MEGF10: variants seen among roughly 807,000 people sequenced by gnomAD.
The protein encoded by MEGF10 is multiple epidermal growth factor-like domains protein 10.
A neutral mutation model predicts 147.5 loss-of-function variants in MEGF10; 86 were observed. The ratio of observed to expected loss-of-function variants is 0.58; its 90% CI spans 0.49 to 0.70. The LOEUF is 0.70. Ranked by LOEUF, MEGF10 falls within the 30% of genes least tolerant of loss-of-function variation. MEGF10 has a pLI of 0.00. For missense variants in MEGF10, 1,329 were observed against 1,487.3 expected (o/e 0.89, Z 1.75); for synonymous variants, 478 against 525.5 (o/e 0.91, Z 1.24).
chr5:127,239,950 C>T, the MEGF10 span, among the ~76,000 whole-genome samples: 1 of 152,248 alleles, frequency 6.6e-6, no homozygotes, highest in Non-Finnish European at 1.5e-5. Context: ...GGACCCTGAC[C>T]CCATCCCCCA....
At chr5:127,241,852 C>T in the MEGF10 span, among the ~76,000 whole-genome samples, 6,509 of 152,110 alleles carry the variant, frequency 0.043, 229 homozygotes, top group Middle Eastern at 0.092. Flanking sequence ...CAGCATCTCA[C>T]AGGGAGGCAC....
At chr5:127,233,436 A>G in the MEGF10 span, among the ~76,000 whole-genome samples, 1 of 152,222 alleles carries the variant, frequency 6.6e-6, no homozygotes, top group South Asian at 2.1e-4. Flanking sequence ...AAGCAGGTGT[A>G]GTAGGTCATT....
In MEGF10 at chr5:127,445,468, A is replaced by G. The variant is rs1272900866; in HGVS notation, c.2503A>G (p.Ile835Val). The G allele has an allele frequency of 1.2e-6, 2 of 1,613,392 alleles. No homozygotes were observed. Among genetic ancestry groups the G allele is most frequent in the East Asian group, 2.2e-5 (1 of 44,894 alleles). ...TCTTCTTTTTCTAGCTGGTGTTATC[A>G]TAGTTGGAAATCTGAACAGCTTAAG... Reference protein sequence around the residue: ...GARCDQAGVIIVGNLNSLSRT... With the variant: ...GARCDQAGVIVVGNLNSLSRT... Residue 835 changes from isoleucine (I) to valine (V), a missense_variant, in exon 20 of 25, where the codon ATA becomes GTA. Coordinates refer to ENST00000503335, the MANE Select transcript of MEGF10 (RefSeq NM_001256545.2).
At chr5:127,438,831 C>T (rs948795190) in intron 17 of MEGF10, among the ~76,000 whole-genome samples, 1 of 152,166 alleles carries the variant, frequency 6.6e-6, no homozygotes, top group Non-Finnish European at 1.5e-5. Flanking sequence ...TCTCCTTTAA[C>T]CAAATCATAT....
At chr5:127,240,885 A>T in the MEGF10 span, among the ~76,000 whole-genome samples, 1 of 152,244 alleles carries the variant, frequency 6.6e-6, no homozygotes, top group Non-Finnish European at 1.5e-5. Flanking sequence ...ATACAATTTA[A>T]TAACAACATA....
At position 127,406,525 on chromosome 5, in the gene MEGF10, TG is replaced by T. The variant is rs1764331598; in HGVS notation, c.917+3847del. Among the ~76,000 whole-genome samples, 4 of 152,190 alleles carry T rather than the reference TG, an allele frequency of 2.6e-5. No homozygotes were observed. The South Asian group carries it at 8.3e-4, about 31-fold the overall frequency. ...TGTGGGGAGAAAGGCCTTGATAGGCTGGGGTCTTAATTTGCCATTTCCCTTG... is the reference window on the plus strand; with the variant it reads ...TGTGGGGAGAAAGGCCTTGATAGGCTGGGTCTTAATTTGCCATTTCCCTTG... On this transcript the variant is annotated intron_variant, in intron 8 of 24. Coordinates refer to ENST00000503335, the MANE Select transcript of MEGF10 (RefSeq NM_001256545.2).
rs371199317 is a variant in MEGF10 at position 127,403,458 on chromosome 5, C to A, written c.917+776C>A. On this transcript the variant is annotated intron_variant, in intron 8 of 24. Transcript: ENST00000503335. ...TTACAAGCAATTCAATTACACTCTTCAAATTATTTCAGAAAGTACAATGAA... is the reference window on the plus strand; with the variant it reads ...TTACAAGCAATTCAATTACACTCTTAAAATTATTTCAGAAAGTACAATGAA... 4.1e-4 allele frequency among the ~76,000 whole-genome samples: 63 copies of A among 152,256 alleles called. 1 individual carries two copies. In the East Asian group the frequency reaches 7.7e-3, roughly 19 times the overall value.
At chr5:127,314,028 G>A (rs1418727888) in intron 1 of MEGF10, among the ~76,000 whole-genome samples, 1 of 152,110 alleles carries the variant, frequency 6.6e-6, no homozygotes, top group Non-Finnish European at 1.5e-5. Flanking sequence ...CCAACCAAGG[G>A]CGGCCCTGAG....
the MEGF10 span, among the ~76,000 whole-genome samples, chr5:127,242,836 C>A: frequency 6.6e-6 from 1 of 151,932 alleles, no homozygotes; most frequent in African/African-American, 2.4e-5. Flanking sequence ...CTGGACCTCA[C>A]AAAAAATATA....
At chr5:127,437,466 A>G (rs1157585534) in intron 16 of MEGF10, among the ~76,000 whole-genome samples, 1 of 152,214 alleles carries the variant, frequency 6.6e-6, no homozygotes, top group Non-Finnish European at 1.5e-5. Context: ...GTTACTTCAT[A>G]TGTATTATTG....
At chr5:127,279,581 G>A in the MEGF10 span, among the ~76,000 whole-genome samples, 1 of 152,024 alleles carries the variant, frequency 6.6e-6, no homozygotes, top group African/African-American at 2.4e-5. Flanking sequence ...GAAAACAGCA[G>A]TTCCTCCCAC....
chr5:127,309,260 T>C (rs1216026279), intron 1 of MEGF10, among the ~76,000 whole-genome samples: 2 of 152,256 alleles, frequency 1.3e-5, no homozygotes, highest in Non-Finnish European at 2.9e-5. Context: ...AGCTTGCTTT[T>C]AGACTTTGTA....
chr5:127,393,278 A>G (rs1372219429), intron 5 of MEGF10, among the ~76,000 whole-genome samples: 1 of 152,190 alleles, frequency 6.6e-6, no homozygotes, highest in Non-Finnish European at 1.5e-5. Context: ...TGGTACTTGA[A>G]TTCAGGATAA....
chr5:127,288,558 T>A (rs1447554962), upstream of MEGF10, among the ~76,000 whole-genome samples: 1 of 152,138 alleles, frequency 6.6e-6, no homozygotes, highest in East Asian at 1.9e-4. Context: ...ACTATATACT[T>A]ACTAGAATGG....
chr5:127,293,616 C>A (rs1324711560), intron 1 of MEGF10, among the ~76,000 whole-genome samples: 2 of 152,146 alleles, frequency 1.3e-5, no homozygotes, highest in Admixed American at 1.3e-4. Flanking sequence ...AGTGAATTTA[C>A]CTTCTTTGTG....
intron 4 of MEGF10, among the ~76,000 whole-genome samples, chr5:127,356,668 G>T (rs1338910573): frequency 6.6e-6 from 1 of 152,228 alleles, no homozygotes; most frequent in African/African-American, 2.4e-5. Flanking sequence ...CACCATGAAT[G>T]AAACATACAT....
the MEGF10 span, among the ~76,000 whole-genome samples, chr5:127,243,085 T>G: frequency 6.6e-6 from 1 of 152,218 alleles, no homozygotes; most frequent in African/African-American, 2.4e-5. Flanking sequence ...TGTAATGTGG[T>G]AGCATAATAT....
the MEGF10 span, among the ~76,000 whole-genome samples, chr5:127,270,818 G>A: frequency 3.3e-5 from 5 of 152,174 alleles, no homozygotes. Flanking sequence ...AGAACATGCG[G>A]TATTTGGTTA....
chr5:127,314,283 C>G (rs145255670), intron 1 of MEGF10, among the ~76,000 whole-genome samples: 2 of 152,050 alleles, frequency 1.3e-5, no homozygotes. Context: ...ACTTAGCAAC[C>G]GTATATTGAT....
Sources: gnomAD v4.1 joint callset for allele counts (sites outside exome capture counted in the v4.1 genomes callset) on GRCh38, gnomAD v4.1.1 for gene constraint, MANE v1.5 for transcripts, NCBI Gene and HGNC (gene_info 2026-07-23, HGNC 2026-07-21) for gene names.